WWTR1: variants seen among roughly 807,000 people sequenced by gnomAD.
The protein encoded by WWTR1 is WW domain-containing transcription regulator protein 1.
Under a neutral mutation model 40.1 loss-of-function variants are expected in WWTR1, and 13 were observed. That is an observed-to-expected ratio of 0.32 (90% CI 0.21 to 0.52). The LOEUF is 0.52. WWTR1 is among the 20% of genes least tolerant of loss of function. The pLI, the probability that WWTR1 is intolerant of heterozygous loss-of-function variation, is 0.97. For synonymous variants in WWTR1, 230 were observed against 210.1 expected (o/e 1.09, Z -0.82); for missense variants, 436 against 523.1 (o/e 0.83, Z 1.63).
chr3:149,664,763 T>A (rs1713736149), intron 2 of WWTR1, among the ~76,000 whole-genome samples: 1 of 151,826 alleles, frequency 6.6e-6, no homozygotes, highest in Non-Finnish European at 1.5e-5. Context: ...TGATTTTGTA[T>A]TTTAGTAGAG....
At chr3:149,615,704 G>T (rs1739940558) in intron 2 of WWTR1, among the ~76,000 whole-genome samples, 1 of 152,172 alleles carries the variant, frequency 6.6e-6, no homozygotes, top group Admixed American at 6.5e-5. Context: ...TGTTCAGTTG[G>T]TATTATTGGT....
At chr3:149,613,121 C>T (rs187709755) in intron 2 of WWTR1, among the ~76,000 whole-genome samples, 96 of 152,320 alleles carry the variant, frequency 6.3e-4, no homozygotes, top group Middle Eastern at 3.4e-3. Flanking sequence ...AGAGACTACA[C>T]TCTGCTAGTG....
intron 1 of WWTR1, among the ~76,000 whole-genome samples, chr3:149,670,346 G>A (rs914248530): frequency 1.2e-4 from 18 of 152,158 alleles, no homozygotes; most frequent in African/African-American, 4.3e-4. Context: ...TCCTCCTCAG[G>A]GGAATCTTAG....
rs1032623774 is a variant in WWTR1 at position 149,657,816 on chromosome 3, C to G, written c.-55G>C. 20 of 156,566 alleles carry G rather than the reference C, an allele frequency of 1.3e-4. No homozygotes were observed. The highest frequency in any genetic ancestry group is 2.8e-4 in the Non-Finnish European group (20 of 71,328). 9.7% of individuals were successfully genotyped at this position (156,566 alleles called of 1,614,324 possible). ...AGCGCGCGGCGGCCGCCGTCCCGCC[C>G]GAACTTGCCGTCGGGCCTGGGTCGC... On this transcript the variant is annotated 5_prime_UTR_variant, in exon 1 of 7. Transcript: ENST00000360632.
At chr3:149,555,715 T>A (rs1373559333) in intron 3 of WWTR1, among the ~76,000 whole-genome samples, 2 of 152,150 alleles carry the variant, frequency 1.3e-5, no homozygotes, top group African/African-American at 4.8e-5. Context: ...TATAGATGAT[T>A]TTTTTTCTTT....
intron 2 of WWTR1, among the ~76,000 whole-genome samples, chr3:149,614,007 A>T (rs1323056386): frequency 6.6e-6 from 1 of 152,232 alleles, no homozygotes; most frequent in Non-Finnish European, 1.5e-5. Context: ...TAACTTCCCT[A>T]TCCATTACTA....
upstream of WWTR1, among the ~76,000 whole-genome samples, chr3:149,703,495 T>C (rs1715257230): frequency 6.6e-6 from 1 of 152,236 alleles, no homozygotes; most frequent in South Asian, 2.1e-4. Flanking sequence ...TTAGATTTCT[T>C]AGATTTGGGA....
chr3:149,637,813 G>A (rs1165391353), intron 2 of WWTR1, among the ~76,000 whole-genome samples: 1 of 152,130 alleles, frequency 6.6e-6, no homozygotes, highest in Non-Finnish European at 1.5e-5. Context: ...AGGAGATGGG[G>A]CTGGCTAAGT....
intron 3 of WWTR1, among the ~76,000 whole-genome samples, chr3:149,542,830 A>G (rs1736181726): frequency 6.6e-6 from 1 of 152,204 alleles, no homozygotes; most frequent in East Asian, 1.9e-4. Context: ...ATAGTGGTCT[A>G]AAGCAAATTC....
intron 4 of WWTR1, among the ~76,000 whole-genome samples, chr3:149,535,141 C>A (rs1735763583): frequency 6.6e-6 from 1 of 151,592 alleles, no homozygotes; most frequent in Non-Finnish European, 1.5e-5. Flanking sequence ...AGAGGCTGCT[C>A]TGCTTGATTT....
chr3:149,543,230 T>C (rs1447873420), intron 3 of WWTR1, among the ~76,000 whole-genome samples: 1 of 152,190 alleles, frequency 6.6e-6, no homozygotes, highest in African/African-American at 2.4e-5. Context: ...ATATTTTCAA[T>C]TTTTTTAAAA....
chr3:149,603,018 G>A (rs1362011404), intron 2 of WWTR1, among the ~76,000 whole-genome samples: 1 of 151,656 alleles, frequency 6.6e-6, no homozygotes, highest in African/African-American at 2.4e-5. Context: ...AAATAACCAG[G>A]CTTCTTTCTA....
At chr3:149,544,260 C>G (rs551655476) in intron 3 of WWTR1, among the ~76,000 whole-genome samples, 7 of 152,238 alleles carry the variant, frequency 4.6e-5, no homozygotes, top group Non-Finnish European at 8.8e-5. Flanking sequence ...AACACTGAAG[C>G]TTTTCTAGAG....
At chr3:149,614,757 T>A (rs559020043) in intron 2 of WWTR1, among the ~76,000 whole-genome samples, 2 of 151,828 alleles carry the variant, frequency 1.3e-5, no homozygotes, top group African/African-American at 4.8e-5. Flanking sequence ...CCGAGGTGAG[T>A]GGATCACTTG....
chr3:149,535,516 A>G (rs576129926), intron 4 of WWTR1, among the ~76,000 whole-genome samples: 1 of 152,276 alleles, frequency 6.6e-6, no homozygotes, highest in East Asian at 1.9e-4. Flanking sequence ...TGTCCCTACA[A>G]AAGAACAATC....
chr3:149,700,836 G>A (rs1005377386), intron 1 of WWTR1, among the ~76,000 whole-genome samples: 2 of 152,134 alleles, frequency 1.3e-5, no homozygotes, highest in East Asian at 1.9e-4. Context: ...AAAGAAAGCC[G>A]TGCCCAATAC....
chr3:149,588,462 C>A (rs145344259), intron 2 of WWTR1, among the ~76,000 whole-genome samples: 1 of 152,092 alleles, frequency 6.6e-6, no homozygotes, highest in African/African-American at 2.4e-5. Context: ...ATGTCCACAG[C>A]GGTTTTGTTT....
At chr3:149,682,694 G>A (rs977849448) in intron 1 of WWTR1, among the ~76,000 whole-genome samples, 1 of 152,082 alleles carries the variant, frequency 6.6e-6, no homozygotes, top group Non-Finnish European at 1.5e-5. Flanking sequence ...TCACTACCAA[G>A]GTTTCAAAAA....
chr3:149,633,798 C>A (rs767056465), intron 2 of WWTR1, among the ~76,000 whole-genome samples: 9 of 152,026 alleles, frequency 5.9e-5, no homozygotes, highest in Non-Finnish European at 1.2e-4. Flanking sequence ...ACAAGCACTG[C>A]CAGGAGCTGT....
Sources: allele counts gnomAD v4.1 joint callset (sites outside exome capture counted in the v4.1 genomes callset), GRCh38; gene constraint gnomAD v4.1.1; transcripts MANE v1.5; gene names NCBI Gene and HGNC (gene_info 2026-07-23, HGNC 2026-07-21).